Variants in UGT8 observed in about 807,000 individuals in gnomAD.
The protein encoded by UGT8 is UDP glycosyltransferase 8, also known as 2-hydroxyacylsphingosine 1-beta-galactosyltransferase.
UGT8 carries 12 observed loss-of-function variants against 40.5 expected under a neutral mutation model. That is an observed-to-expected ratio of 0.30 (90% CI 0.19 to 0.48). The LOEUF (loss-of-function observed/expected upper bound fraction) is 0.48. UGT8 is among the 20% of genes least tolerant of loss of function. The probability of loss-of-function intolerance (pLI) is 0.99; values close to 1 mark genes in which losing one functional copy is unlikely to be tolerated. For missense variants in UGT8, 513 were observed against 648.7 expected, an observed-to-expected ratio of 0.79 and a Z score of 2.27; for synonymous variants, 224 against 240.4, an observed-to-expected ratio of 0.93 and a Z score of 0.63.
Position 114,676,020 on chromosome 4 carries a change from G to T in UGT8, c.1358G>T (p.Arg453Leu), listed in dbSNP as rs747939994. 5 of 1,613,986 alleles carry T rather than the reference G, an allele frequency of 3.1e-6. No homozygotes were observed. Among genetic ancestry groups the T allele is most frequent in the Non-Finnish European group, 4.2e-6 (5 of 1,180,028 alleles). Residue 453 changes from arginine (R) to leucine (L), a missense_variant, in exon 6 of 6, where the codon CGT (arginine) becomes CTT (leucine). Around this residue, in one of 3 missense-constraint regions of UGT8, gnomAD observed 175 missense variants for 186.7 expected, o/e 0.94. Transcript: ENST00000310836. ...RTIYWIDYII[R>L]HNGAHHLRAA... ...ATCTATTGGATAGATTATATTATTCGTCACAATGGAGCCCATCACCTACGT... is the reference window on the plus strand; with the variant it reads ...ATCTATTGGATAGATTATATTATTCTTCACAATGGAGCCCATCACCTACGT...
At chr4:114,630,548 G>A (rs568960675) in intron 2 of UGT8, among the ~76,000 whole-genome samples, 4 of 152,250 alleles carry the variant, frequency 2.6e-5, no homozygotes. Flanking sequence ...CAGGAGAGTG[G>A]ATAGAGATGT....
At chr4:114,670,500 G>T (rs538512274) in intron 5 of UGT8, among the ~76,000 whole-genome samples, 3 of 150,668 alleles carry the variant, frequency 2.0e-5, no homozygotes, top group South Asian at 4.2e-4. Flanking sequence ...GGGATGCAAG[G>T]CTGGTTCAAC....
chr4:114,647,350 G>A lies in UGT8; in HGVS notation c.823-16645G>A, dbSNP rs544363073. ...CATTCTAAACAATTTACATGAATTA[G>A]CTCTTTTGTGTGTGTGTGTGTGTGT... On this transcript the variant is annotated intron_variant, in intron 2 of 5. Transcript: ENST00000310836. Among the ~76,000 whole-genome samples the A allele has an allele frequency of 1.8e-3, 219 of 119,382 alleles. 3 individuals are homozygous for A. Among genetic ancestry groups the A allele is most frequent in the Non-Finnish European group, 5.6e-4 (31 of 55,380 alleles). 78.3% of individuals were successfully genotyped at this position (119,382 alleles called of 152,430 possible). A position where few individuals can be genotyped will look rare whatever the true frequency, so the allele number is the denominator to read the frequency against.
At chr4:114,658,254 T>C (rs1734306638) in intron 2 of UGT8, among the ~76,000 whole-genome samples, 1 of 152,114 alleles carries the variant, frequency 6.6e-6, no homozygotes, top group East Asian at 1.9e-4. Flanking sequence ...GATGTTGGTG[T>C]TGGGAATAAG....
intron 2 of UGT8, among the ~76,000 whole-genome samples, chr4:114,635,960 C>CA (rs906464948): frequency 6.6e-6 from 1 of 152,026 alleles, no homozygotes; most frequent in African/African-American, 2.4e-5. Flanking sequence ...CATATGAATA[C>CA]AAAAAAGCTC....
At chr4:114,659,088 T>C (rs1734362887) in intron 2 of UGT8, among the ~76,000 whole-genome samples, 1 of 152,168 alleles carries the variant, frequency 6.6e-6, no homozygotes, top group Non-Finnish European at 1.5e-5. Flanking sequence ...ATATAATTAC[T>C]CTAGGATAAG....
chr4:114,627,073 C>G (rs945292296), intron 2 of UGT8, among the ~76,000 whole-genome samples: 2 of 152,016 alleles, frequency 1.3e-5, no homozygotes, highest in African/African-American at 4.8e-5. Flanking sequence ...TACCTGGCTG[C>G]CTCTAATAGG....
chr4:114,651,329 C>T (rs559352565), intron 2 of UGT8, among the ~76,000 whole-genome samples: 1 of 152,010 alleles, frequency 6.6e-6, no homozygotes, highest in Non-Finnish European at 1.5e-5. Flanking sequence ...TGGCTCTTTC[C>T]ATTTTTCCAC....
intron 2 of UGT8, among the ~76,000 whole-genome samples, chr4:114,643,150 CT>C (rs1199902408): frequency 2.0e-5 from 3 of 152,104 alleles, no homozygotes; most frequent in Non-Finnish European, 4.4e-5. Flanking sequence ...TACTCTCTGA[CT>C]TTTTTGTTTG....
chr4:114,629,233 C>T (rs1204144492), intron 2 of UGT8, among the ~76,000 whole-genome samples: 1 of 152,080 alleles, frequency 6.6e-6, no homozygotes, highest in Non-Finnish European at 1.5e-5. Flanking sequence ...ATGTTGTTAG[C>T]TATGTGGGGG....
At chr4:114,606,537 T>A (rs1245888897) in intron 1 of UGT8, among the ~76,000 whole-genome samples, 1 of 152,142 alleles carries the variant, frequency 6.6e-6, no homozygotes, top group African/African-American at 2.4e-5. Context: ...GTCAAACAGG[T>A]TTGCCTGTCT....
intron 2 of UGT8, among the ~76,000 whole-genome samples, chr4:114,627,928 A>G (rs1032201130): frequency 6.6e-6 from 1 of 152,202 alleles, no homozygotes; most frequent in Non-Finnish European, 1.5e-5. Context: ...TTGATACTCT[A>G]TAACCTGAGT....
At chr4:114,611,546 T>TATAC (rs55742419) in intron 1 of UGT8, among the ~76,000 whole-genome samples, 15,363 of 140,356 alleles carry the variant, frequency 0.11, 1,252 homozygotes, top group Non-Finnish European at 0.14. Flanking sequence ...TATATATATA[T>TATAC]ACACACACAC....
chr4:114,617,177 C>T (rs1261679221), intron 1 of UGT8, among the ~76,000 whole-genome samples: 1 of 152,182 alleles, frequency 6.6e-6, no homozygotes, highest in Non-Finnish European at 1.5e-5. Flanking sequence ...TTGCTTGAAC[C>T]TGGGAGGTGA....
chr4:114,669,314 C>T (rs1485695249), intron 5 of UGT8, among the ~76,000 whole-genome samples: 1 of 151,666 alleles, frequency 6.6e-6, no homozygotes, highest in African/African-American at 2.4e-5. Flanking sequence ...TAAGTATATC[C>T]CTTCTTCTGT....
intron 2 of UGT8, among the ~76,000 whole-genome samples, chr4:114,659,815 A>T (rs1468765910): frequency 6.6e-6 from 1 of 152,230 alleles, no homozygotes; most frequent in Non-Finnish European, 1.5e-5. Context: ...CCCAAAATGA[A>T]AAGTAATAAA....
chr4:114,640,273 G>T (rs553579822), intron 2 of UGT8, among the ~76,000 whole-genome samples: 1 of 150,210 alleles, frequency 6.7e-6, no homozygotes, highest in South Asian at 2.1e-4. Context: ...CTTGTGATCC[G>T]CCCGCCTCGG....
At chr4:114,634,988 A>T (rs889552292) in intron 2 of UGT8, among the ~76,000 whole-genome samples, 3 of 151,960 alleles carry the variant, frequency 2.0e-5, no homozygotes, top group Non-Finnish European at 2.9e-5. Flanking sequence ...AGTGAGAGGC[A>T]TAGAAAAGGA....
chr4:114,677,212 G>A lies in UGT8; in HGVS notation c.*924G>A, dbSNP rs1735713412. 1 of 152,164 alleles carries A rather than the reference G, an allele frequency of 6.6e-6. No homozygotes were observed. Among genetic ancestry groups the A allele is most frequent in the Non-Finnish European group, 1.5e-5 (1 of 68,018 alleles). 9.4% of individuals were successfully genotyped at this position (152,164 alleles called of 1,614,324 possible). On this transcript the variant is annotated 3_prime_UTR_variant, in exon 6 of 6. Coordinates refer to ENST00000310836, the MANE Select transcript of UGT8 (RefSeq NM_001128174.3). ...CACCATTGTATTGTTGAATGTTTAT[G>A]TAACTGATGGCTTTTCTATAATGTA...
Sources: allele counts gnomAD v4.1 joint callset (sites outside exome capture counted in the v4.1 genomes callset), GRCh38; gene constraint gnomAD v4.1.1; regional missense constraint gnomAD v4.1.1; transcripts MANE v1.5; gene names NCBI Gene and HGNC (gene_info 2026-07-23, HGNC 2026-07-21).